Variants in GALC observed in about 807,000 individuals in gnomAD.
The protein encoded by GALC is galactocerebrosidase.
A neutral mutation model predicts 91.8 loss-of-function variants in GALC; 77 were observed. That is an observed-to-expected ratio of 0.84 (90% CI 0.70 to 1.01). The LOEUF (loss-of-function observed/expected upper bound fraction) is 1.01. Among genes scored for constraint, GALC ranks in the 50% least tolerant of loss-of-function variants. GALC has a pLI of 0.00. For synonymous variants in GALC, 357 were observed against 306.7 expected, an observed-to-expected ratio of 1.16 and a Z score of -1.71; for missense variants, 882 against 855.9, an observed-to-expected ratio of 1.03 and a Z score of -0.38.
At position 87,934,835 on chromosome 14, in the gene GALC, G is replaced by A; in HGVS notation, c.1955C>T (p.Thr652Ile). 6.2e-7 allele frequency: 1 copy of A among 1,612,696 alleles called. No individual in the cohort carries two copies. The highest frequency in any genetic ancestry group is 2.2e-5 in the East Asian group (1 of 44,840). The change falls in exon 17 of 17, where the codon ACA becomes ATA. Residue 652 changes from threonine (T) to isoleucine (I), a missense_variant. Thr to Ile is a moderately conservative substitution (Grantham distance 89). Coordinates refer to ENST00000261304, the MANE Select transcript of GALC (RefSeq NM_000153.4). The stretch of plus-strand genomic sequence containing the variant: ...CTTTGGAAAATTCACAGGGATGTCT[G>A]TCCACAGAGACTTGTCATTCAGCAT... ...SGMLNDKSLW[T>I]DIPVNFPKNG...
intron 7 of GALC, among the ~76,000 whole-genome samples, chr14:87,970,072 A>G (rs1334049776): frequency 6.6e-6 from 1 of 152,164 alleles, no homozygotes; most frequent in African/African-American, 2.4e-5. Flanking sequence ...TCTGGCTACT[A>G]GTCTTTTAAA....
intron 10 of GALC, among the ~76,000 whole-genome samples, chr14:87,960,048 A>T (rs1204566704): frequency 2.6e-5 from 4 of 151,936 alleles, no homozygotes; most frequent in Non-Finnish European, 5.9e-5. Context: ...ATACCTCATG[A>T]TCACACTTAC....
chr14:87,993,118 G>C lies in GALC; in HGVS notation c.47C>G (p.Ala16Gly). The C allele has an allele frequency of 6.3e-7, 1 of 1,588,602 alleles. No individual in the cohort carries two copies. Among genetic ancestry groups the C allele is most frequent in the Non-Finnish European group, 8.6e-7 (1 of 1,168,514 alleles). ...CGCCGAACCCGCGGCCGCAGTCATA[G>C]CTTTCGCTCGGCGTTGCCAGGAAGC... ...LSASWQRRAK[A>G]MTAAAGSAGR... Residue 16 changes from alanine to glycine, a missense_variant, in exon 1 of 17, where the codon GCT (alanine) becomes GGT (glycine). Ala to Gly is a moderately conservative substitution (Grantham distance 60). Coordinates refer to ENST00000261304, the MANE Select transcript of GALC (RefSeq NM_000153.4).
intron 3 of GALC, among the ~76,000 whole-genome samples, chr14:87,987,297 C>T (rs141034480): frequency 6.6e-6 from 1 of 152,308 alleles, no homozygotes; most frequent in African/African-American, 2.4e-5. Flanking sequence ...CATCAGAATT[C>T]ACAAGAACTG....
intron 10 of GALC, among the ~76,000 whole-genome samples, chr14:87,960,025 C>T (rs1389101450): frequency 6.6e-6 from 1 of 151,708 alleles, no homozygotes; most frequent in Non-Finnish European, 1.5e-5. Context: ...ATAAGCCAGA[C>T]ACAATAAGAC....
In GALC at chr14:87,973,418, T is replaced by C. The variant is rs116307428; in HGVS notation, c.752+2940A>G. Among the ~76,000 whole-genome samples, 761 of 151,364 alleles carry C rather than the reference T, an allele frequency of 5.0e-3. 6 individuals are homozygous for C. Among genetic ancestry groups the C allele is most frequent in the African/African-American group, 0.017 (696 of 41,526 alleles). ...ATTACACACTTGGCTAAAGTACAAC[T>C]AATACAGCTACATGAAGTAGGACAA... On this transcript the variant is annotated intron_variant, in intron 7 of 16. Transcript: ENST00000261304.
At chr14:87,972,471 G>A (rs1232497921) in intron 7 of GALC, among the ~76,000 whole-genome samples, 1 of 152,020 alleles carries the variant, frequency 6.6e-6, no homozygotes. Context: ...TTTTCTGGGT[G>A]GCTGTTACAT....
intron 10 of GALC, among the ~76,000 whole-genome samples, chr14:87,957,472 T>C (rs1407350274): frequency 6.6e-6 from 1 of 152,118 alleles, no homozygotes; most frequent in Non-Finnish European, 1.5e-5. Flanking sequence ...CATTATTCTA[T>C]ATGTTGCTAT....
intron 6 of GALC, 105 bp from the exon 7 acceptor site, chr14:87,976,593 G>C (rs1886503036): frequency 2.2e-6 from 2 of 930,028 alleles, no homozygotes; most frequent in Non-Finnish European, 1.7e-6. Context: ...CAGCGTTCTG[G>C]ATAATAGCTT....
At chr14:87,951,740 G>A (rs1277006042) in intron 10 of GALC, among the ~76,000 whole-genome samples, 1 of 151,758 alleles carries the variant, frequency 6.6e-6, no homozygotes, top group East Asian at 1.9e-4. Flanking sequence ...ATAATCAATA[G>A]ATCAAAGGAA....
At chr14:87,940,051 T>G (rs1884771234) in intron 15 of GALC, 70 bp from the exon 16 acceptor site, 1 of 1,283,254 alleles carries the variant, frequency 7.8e-7, no homozygotes, top group Non-Finnish European at 1.1e-6. Flanking sequence ...TATAATTCAG[T>G]GGGGTTCTTG....
chr14:87,980,018 C>T (rs950996236), intron 6 of GALC, among the ~76,000 whole-genome samples: 1 of 152,162 alleles, frequency 6.6e-6, no homozygotes, highest in Admixed American at 6.5e-5. Flanking sequence ...CCCTTGAGTA[C>T]CTAGCTCTGG....
chr14:87,957,998 A>G (rs752464197), intron 10 of GALC, among the ~76,000 whole-genome samples: 2 of 152,180 alleles, frequency 1.3e-5, no homozygotes, highest in Non-Finnish European at 2.9e-5. Context: ...TCACAGAATT[A>G]GAAAAAACAA....
intron 5 of GALC, among the ~76,000 whole-genome samples, chr14:87,983,181 G>GA (rs1201596177): frequency 6.6e-5 from 10 of 150,660 alleles, no homozygotes; most frequent in East Asian, 2.0e-4. Context: ...CTAATAAAAA[G>GA]AAAAAAAAAC....
At chr14:87,988,778 C>T (rs1212618651) in intron 1 of GALC, among the ~76,000 whole-genome samples, 1 of 152,176 alleles carries the variant, frequency 6.6e-6, no homozygotes, top group East Asian at 1.9e-4. Flanking sequence ...GCTTGCTAAC[C>T]TCATGATCAC....
At chr14:87,962,737 C>T (rs1480130106) in intron 10 of GALC, among the ~76,000 whole-genome samples, 1 of 152,084 alleles carries the variant, frequency 6.6e-6, no homozygotes, top group Non-Finnish European at 1.5e-5. Flanking sequence ...ACTTCCTATT[C>T]TGTCTACCTC....
intron 14 of GALC, among the ~76,000 whole-genome samples, chr14:87,942,579 A>C (rs405436): frequency 0.96 from 145,743 of 152,046 alleles, 70,137 homozygotes; most frequent in Non-Finnish European, 1. Context: ...GCACATAACC[A>C]AGTCATAAAT....
At chr14:87,957,779 A>G (rs1885621049) in intron 10 of GALC, among the ~76,000 whole-genome samples, 1 of 152,212 alleles carries the variant, frequency 6.6e-6, no homozygotes, top group Non-Finnish European at 1.5e-5. Context: ...ACAAAAATAT[A>G]TAAGAATATA....
intron 9 of GALC, among the ~76,000 whole-genome samples, chr14:87,964,720 G>A (rs191370816): frequency 6.6e-6 from 1 of 152,132 alleles, no homozygotes; most frequent in Non-Finnish European, 1.5e-5. Context: ...GTCTTGTCTG[G>A]TAGAAATTTA....
Sources: gnomAD v4.1 joint callset for allele counts (sites outside exome capture counted in the v4.1 genomes callset) on GRCh38, gnomAD v4.1.1 for gene constraint, MANE v1.5 for transcripts, NCBI Gene and HGNC (gene_info 2026-07-23, HGNC 2026-07-21) for gene names.